SPATA7: variants seen among roughly 807,000 people sequenced by gnomAD.
SPATA7 encodes the protein spermatogenesis associated 7.
In SPATA7, 43 loss-of-function variants were observed where a neutral mutation model predicts 51.8. The observed-to-expected ratio is 0.83, with a 90% CI of 0.65 to 1.07. SPATA7 has a LOEUF of 1.07. SPATA7 is among the 50% of genes least tolerant of loss of function. The probability of loss-of-function intolerance (pLI) is 0.00; values close to 1 mark genes in which losing one functional copy is unlikely to be tolerated. For synonymous variants in SPATA7, 230 were observed against 252.8 expected (o/e 0.91, Z 0.86); for missense variants, 683 against 701.3 (o/e 0.97, Z 0.30).
chr14:88,406,085 G>A (rs2076192351), intron 4 of SPATA7, among the ~76,000 whole-genome samples: 2 of 151,990 alleles, frequency 1.3e-5, no homozygotes, highest in African/African-American at 2.4e-5. Flanking sequence ...TAATGAATTT[G>A]GCTTAGAAAC....
intron 5 of SPATA7, among the ~76,000 whole-genome samples, chr14:88,421,108 G>A (rs533813407): frequency 1.7e-4 from 25 of 151,016 alleles, no homozygotes; most frequent in Middle Eastern, 3.4e-3. Context: ...GCGAAACTCC[G>A]TCTCAAAAAA....
intron 7 of SPATA7, chr14:88,428,448 C>T (rs1302835596): frequency 2.0e-5 from 3 of 152,112 alleles, no homozygotes; most frequent in Non-Finnish European, 4.4e-5. Flanking sequence ...AGCTATTAAT[C>T]GCTGTTTGAC....
At chr14:88,463,321 A>C (rs377526272) in intron 4 of SPATA7, among the ~76,000 whole-genome samples, 1 of 152,202 alleles carries the variant, frequency 6.6e-6, no homozygotes, top group East Asian at 1.9e-4. Context: ...TGCTCACATT[A>C]TAAGGCCCAT....
chr14:88,397,517 A>C (rs2075920952), intron 4 of SPATA7, among the ~76,000 whole-genome samples: 1 of 151,526 alleles, frequency 6.6e-6, no homozygotes, highest in Non-Finnish European at 1.5e-5. Context: ...GTGGCATGCA[A>C]CTCTGGTCCC....
intron 8 of SPATA7, 117 bp from the exon 9 acceptor site, chr14:88,431,055 C>G: frequency 3.1e-6 from 3 of 959,076 alleles, no homozygotes; most frequent in South Asian, 1.3e-5. Context: ...TGAAACACTT[C>G]TGGTTCCAAA....
In SPATA7 at chr14:88,437,513, G is replaced by A; in HGVS notation, c.1161-30G>A. The A allele has an allele frequency of 3.3e-6, 5 of 1,517,248 alleles. No individual in the cohort carries two copies. The South Asian group carries it at 4.6e-5, about 14-fold the overall frequency. The allele number at this position is 1,517,248 out of a possible 1,614,324, so 94.0% of individuals were successfully genotyped here. ...TATTTAGATGATTTTCTGATTTTGA[G>A]ACATTAACATTTTTGTTTATCATTT... On this transcript the variant is annotated intron_variant, in intron 10 of 11. Coordinates refer to ENST00000393545, the MANE Select transcript of SPATA7 (RefSeq NM_018418.5).
At position 88,438,288 on chromosome 14, in the gene SPATA7, T is replaced by G. The variant is rs749597333; in HGVS notation, c.1666T>G (p.Leu556Val). The change falls in exon 12 of 12, where the codon TTA becomes GTA. Residue 556 changes from leucine to valine, a missense_variant. Physicochemically the swap from Leu to Val is conservative, Grantham distance 32 (BLOSUM62 1). Coordinates refer to ENST00000393545, the MANE Select transcript of SPATA7 (RefSeq NM_018418.5). ...TGAAAAGGTTGAGATTTCAAATGGA[T>G]TATGTGGTCTTAACACATCACCCTC... ...DPEKVEISNG[L>V]CGLNTSPSQS... 6 of 1,614,030 alleles carry G rather than the reference T, an allele frequency of 3.7e-6. 1 individual carries two copies. Among genetic ancestry groups the G allele is most frequent in the Admixed American group, 1.7e-5 (1 of 60,002 alleles).
Position 88,462,995 on chromosome 14 carries a change from A to G in SPATA7, c.255-6852A>G, listed in dbSNP as rs113569125. ...TTTAGATGTTCTTTAGATTTTTGAA[A>G]ATTAAGTATTTTTTAGAATACACAT... On this transcript the variant is annotated intron_variant, in intron 4 of 4. Transcript: ENST00000556406. 3.4e-3 allele frequency among the ~76,000 whole-genome samples: 515 copies of G among 152,284 alleles called. 3 individuals carry two copies. The highest frequency in any genetic ancestry group is 0.012 in the African/African-American group (481 of 41,548).
intron 4 of SPATA7, among the ~76,000 whole-genome samples, chr14:88,399,234 G>A (rs887792519): frequency 6.6e-5 from 10 of 151,932 alleles, no homozygotes; most frequent in African/African-American, 2.4e-4. Context: ...AGAAGGTAGG[G>A]GAGAAAGTAA....
downstream of SPATA7, among the ~76,000 whole-genome samples, chr14:88,456,353 G>A (rs538702189): frequency 0.014 from 2,154 of 151,882 alleles, 16 homozygotes; most frequent in East Asian, 0.023. Flanking sequence ...GTGTAAAAGT[G>A]TTCCTATTTC....
chr14:88,436,749 T>C (rs1247831424), intron 10 of SPATA7, among the ~76,000 whole-genome samples: 1 of 152,136 alleles, frequency 6.6e-6, no homozygotes, highest in Non-Finnish European at 1.5e-5. Flanking sequence ...GGTGTGTGGA[T>C]TTGTTTCTGA....
intron 7 of SPATA7, 130 bp downstream of exon 7, chr14:88,427,826 C>T: frequency 1.4e-6 from 1 of 728,760 alleles, no homozygotes; most frequent in Non-Finnish European, 2.4e-6. Flanking sequence ...ATGATATAGC[C>T]AGTATACAGA....
intron 3 of SPATA7, among the ~76,000 whole-genome samples, chr14:88,394,557 T>A (rs947968922): frequency 6.6e-6 from 1 of 152,222 alleles, no homozygotes; most frequent in Admixed American, 6.5e-5. Flanking sequence ...ATTCACCAGT[T>A]GTTAAACATT....
At chr14:88,398,463 A>T (rs1189926385) in intron 4 of SPATA7, among the ~76,000 whole-genome samples, 1 of 119,004 alleles carries the variant, frequency 8.4e-6, no homozygotes, top group Admixed American at 1.2e-4. Context: ...GGAACATCAC[A>T]CTCTGGGGAC....
rs750080864 is a variant in SPATA7 at position 88,386,002 on chromosome 14, A to G, written c.19+165A>G. 23 of 1,484,140 alleles carry G rather than the reference A, an allele frequency of 1.5e-5. No individual in the cohort carries two copies. In the South Asian group the frequency reaches 2.9e-4, roughly 19 times the overall value. 91.9% of individuals were successfully genotyped at this position (1,484,140 alleles called of 1,614,324 possible). Reference sequence around the variant, plus strand: ...GAGCTGCCCAGGCCTGCGCAAAGGAAGAGGGAGAGCCTGCTTGCCAGCCTC... The same window carrying G: ...GAGCTGCCCAGGCCTGCGCAAAGGAGGAGGGAGAGCCTGCTTGCCAGCCTC... On this transcript the variant is annotated intron_variant, in intron 1 of 11. Transcript: ENST00000393545.
chr14:88,457,577 G>A (rs1028680145), downstream of SPATA7, among the ~76,000 whole-genome samples: 4 of 152,302 alleles, frequency 2.6e-5, no homozygotes, highest in Non-Finnish European at 4.4e-5. Flanking sequence ...CATTGATTTT[G>A]TATCCAGAGA....
rs758990216 is a variant in SPATA7, at chr14:88,426,614, T to C, written c.755T>C (p.Phe252Ser). ...PRTLKTEAKS[F>S]LSQYRYYTPA... ...ACTTTAAAAACAGAAGCAAAATCTTTCCTGTCACAGTATCGCTATTATACA... is the reference window on the plus strand; with the variant it reads ...ACTTTAAAAACAGAAGCAAAATCTTCCCTGTCACAGTATCGCTATTATACA... The change falls in exon 6 of 12, where the codon TTC (phenylalanine) becomes TCC (serine). Residue 252 changes from phenylalanine (F) to serine (S), a missense_variant. Physicochemically the swap from Phe to Ser is radical, Grantham distance 155. Coordinates refer to ENST00000393545, the MANE Select transcript of SPATA7 (RefSeq NM_018418.5). 2 of 1,614,024 alleles carry C rather than the reference T, an allele frequency of 1.2e-6. No individual in the cohort carries two copies. The highest frequency in any genetic ancestry group is 8.5e-7 in the Non-Finnish European group (1 of 1,180,034).
chr14:88,447,831 G>T (rs1270956112), intron 3 of SPATA7, among the ~76,000 whole-genome samples: 2 of 152,254 alleles, frequency 1.3e-5, no homozygotes, highest in African/African-American at 4.8e-5. Flanking sequence ...CTTCTGGCTT[G>T]TAGAGTTTCT....
intron 8 of SPATA7, among the ~76,000 whole-genome samples, chr14:88,429,678 G>C (rs560862634): frequency 1.3e-5 from 2 of 151,950 alleles, no homozygotes; most frequent in Admixed American, 1.3e-4. Context: ...TAATTCATTA[G>C]TAAAGGAAAA....
Sources: gnomAD v4.1 joint callset for allele counts (sites outside exome capture counted in the v4.1 genomes callset) on GRCh38, gnomAD v4.1.1 for gene constraint, MANE v1.5 for transcripts, NCBI Gene and HGNC (gene_info 2026-07-23, HGNC 2026-07-21) for gene names.